The following WDFY3 variants were observed in gnomAD, a reference collection of about 807,000 sequenced individuals.
WDFY3 encodes the protein WD repeat and FYVE domain containing 3, also known as WD repeat and FYVE domain-containing protein 3.
In WDFY3, 66 loss-of-function variants were observed where a neutral mutation model predicts 409.6. The observed-to-expected ratio is 0.16, with a 90% confidence interval of 0.13 to 0.20. The LOEUF (loss-of-function observed/expected upper bound fraction) is 0.20. WDFY3 is among the 10% of genes least tolerant of loss of function. The pLI, the probability that WDFY3 is intolerant of heterozygous loss-of-function variation, is 1.00. For missense variants in WDFY3, 3,031 were observed against 4,298.1 expected, an observed-to-expected ratio of 0.71 and a Z score of 8.24; for synonymous variants, 1,521 against 1,537.1, an observed-to-expected ratio of 0.99 and a Z score of 0.25.
intron 17 of WDFY3, among the ~76,000 whole-genome samples, chr4:84,799,964 T>C (rs1750209453): frequency 6.6e-6 from 1 of 152,190 alleles, no homozygotes; most frequent in African/African-American, 2.4e-5. Context: ...ATAGTAGCAT[T>C]AGGTATGGGA....
chr4:84,777,709 C>T (rs1048326525), intron 27 of WDFY3, among the ~76,000 whole-genome samples: 2 of 151,702 alleles, frequency 1.3e-5, no homozygotes, highest in East Asian at 1.9e-4. Flanking sequence ...CACAAGAGTT[C>T]GCAAATATTA....
chr4:84,807,900 A>G (rs949839106), intron 15 of WDFY3, among the ~76,000 whole-genome samples: 2 of 152,138 alleles, frequency 1.3e-5, no homozygotes, highest in African/African-American at 4.8e-5. Context: ...GTGCTATGAA[A>G]TTCATTTTGG....
chr4:84,939,280 A>G (rs1771815612), intron 1 of WDFY3, among the ~76,000 whole-genome samples: 1 of 152,170 alleles, frequency 6.6e-6, no homozygotes, highest in Admixed American at 6.6e-5. Flanking sequence ...AATACTACAG[A>G]GGAGATGATG....
chr4:84,883,863 C>G (rs567559006), intron 3 of WDFY3, among the ~76,000 whole-genome samples: 1 of 152,158 alleles, frequency 6.6e-6, no homozygotes, highest in African/African-American at 2.4e-5. Context: ...ACACAAAATA[C>G]AAACTACATG....
rs569352316 is a variant in WDFY3 at position 84,764,582 on chromosome 4, C to G, written c.5188+1228G>C. ...TGTTGAAAGACCTGTCTTCCTATGG[C>G]TGGGTGCAGTGGCTCACGCCTGTAA... On this transcript the variant is annotated intron_variant, in intron 32 of 67. Transcript: ENST00000295888. Among the ~76,000 whole-genome samples, 12 of 152,236 alleles carry G rather than the reference C, an allele frequency of 7.9e-5. No individual in the cohort carries two copies. In the South Asian group the frequency reaches 2.5e-3, roughly 32 times the overall value.
chr4:84,908,596 T>C (rs1456906999), intron 2 of WDFY3, among the ~76,000 whole-genome samples: 1 of 152,148 alleles, frequency 6.6e-6, no homozygotes, highest in Non-Finnish European at 1.5e-5. Context: ...ATGTACCTCA[T>C]CAGAAACCTC....
intron 55 of WDFY3, 96 bp from the exon 56 acceptor site, chr4:84,702,602 T>G: frequency 9.1e-7 from 1 of 1,095,924 alleles, no homozygotes; most frequent in Non-Finnish European, 1.2e-6. Context: ...CTATAGTTGG[T>G]GACATTTCAA....
intron 25 of WDFY3, among the ~76,000 whole-genome samples, chr4:84,782,165 A>G (rs1746641127): frequency 6.6e-6 from 1 of 152,224 alleles, no homozygotes; most frequent in South Asian, 2.1e-4. Context: ...TTATAGTTTG[A>G]GTCAGTGTTT....
At chr4:84,942,867 CTTT>C (rs1223476734) in intron 1 of WDFY3, among the ~76,000 whole-genome samples, 2 of 151,996 alleles carry the variant, frequency 1.3e-5, no homozygotes, top group Non-Finnish European at 2.9e-5. Context: ...TGTGGCTAAC[CTTT>C]TTATTTTTTT....
At chr4:84,817,280 T>C in intron 13 of WDFY3, 112 bp downstream of exon 13, 1 of 1,348,004 alleles carries the variant, frequency 7.4e-7, no homozygotes, top group Non-Finnish European at 1.0e-6. Context: ...TGAGGTTTCT[T>C]GGGTAATTTG....
intron 63 of WDFY3, among the ~76,000 whole-genome samples, chr4:84,683,236 C>T (rs1324707300): frequency 6.6e-6 from 1 of 152,020 alleles, no homozygotes; most frequent in African/African-American, 2.4e-5. Context: ...AGATGTGTAC[C>T]GTGTGAGGTA....
At chr4:84,686,671 G>C (rs982280949) in intron 62 of WDFY3, among the ~76,000 whole-genome samples, 10 of 152,114 alleles carry the variant, frequency 6.6e-5, no homozygotes, top group Admixed American at 2.0e-4. Context: ...GGGTAAGGTG[G>C]CAATGGATAT....
chr4:84,696,878 A>G (rs1270365326), intron 56 of WDFY3, 55 bp from the exon 57 acceptor site: 1 of 1,473,648 alleles, frequency 6.8e-7, no homozygotes, highest in African/African-American at 1.4e-5. Flanking sequence ...GATAAATGGT[A>G]ACTTTATATT....
In WDFY3 at chr4:84,677,403, G is replaced by A; in HGVS notation, c.10260-7C>T. 1 of 1,598,406 alleles carries A rather than the reference G, an allele frequency of 6.3e-7. No individual in the cohort carries two copies. Among genetic ancestry groups the A allele is most frequent in the African/African-American group, 1.3e-5 (1 of 74,562 alleles). Reference sequence around the variant, plus strand: ...GAGGATCCTACTGTGATCCCTGCAGGAGACACGACAGAGGAGGTCACTGCA... The same window carrying A: ...GAGGATCCTACTGTGATCCCTGCAGAAGACACGACAGAGGAGGTCACTGCA... On this transcript the variant is annotated splice_region_variant and splice_polypyrimidine_tract_variant and intron_variant, in intron 66 of 67. Transcript: ENST00000295888.
chr4:84,938,411 T>C lies in WDFY3; in HGVS notation c.-225-6048A>G, dbSNP rs112932719. Among the ~76,000 whole-genome samples the C allele has an allele frequency of 2.1e-3, 324 of 152,260 alleles. 4 individuals are homozygous for C. Among genetic ancestry groups the C allele is most frequent in the African/African-American group, 7.4e-3 (307 of 41,554 alleles). ...CATTGTAACTGATACTTCCATAAAT[T>C]TGATAAATTAACAAATAGTTCCCCT... is the stretch of plus-strand genomic sequence containing the variant. On this transcript the variant is annotated intron_variant, in intron 1 of 67. Coordinates refer to ENST00000295888, the MANE Select transcript of WDFY3 (RefSeq NM_014991.6).
chr4:84,746,642 A>T (rs1037640103), intron 36 of WDFY3, among the ~76,000 whole-genome samples: 2 of 151,986 alleles, frequency 1.3e-5, no homozygotes, highest in Non-Finnish European at 2.9e-5. Flanking sequence ...TGATGTTCTT[A>T]CTGAGATGTA....
chr4:84,714,491 T>C (rs927334281), intron 50 of WDFY3, among the ~76,000 whole-genome samples: 54 of 152,200 alleles, frequency 3.5e-4, no homozygotes, highest in African/African-American at 1.1e-3. Flanking sequence ...AACTGCTTTA[T>C]TTAGCTATAC....
chr4:84,909,491 TA>T (rs1299424168), intron 2 of WDFY3, among the ~76,000 whole-genome samples: 1 of 152,148 alleles, frequency 6.6e-6, no homozygotes, highest in African/African-American at 2.4e-5. Flanking sequence ...AATGTTCTCC[TA>T]ATTTTCTGTT....
intron 43 of WDFY3, among the ~76,000 whole-genome samples, chr4:84,734,641 C>T (rs896958792): frequency 5.3e-5 from 8 of 152,146 alleles, no homozygotes; most frequent in Non-Finnish European, 4.4e-5. Context: ...TTCATTCAAT[C>T]TTGTAATTTT....
Sources: gnomAD v4.1 joint callset for allele counts (sites outside exome capture counted in the v4.1 genomes callset) on GRCh38, gnomAD v4.1.1 for gene constraint, MANE v1.5 for transcripts, NCBI Gene and HGNC (gene_info 2026-07-23, HGNC 2026-07-21) for gene names.